The following DSCAM variants were observed in gnomAD, a reference collection of about 807,000 sequenced individuals.
DSCAM encodes DS cell adhesion molecule.
DSCAM carries 47 observed loss-of-function variants against 217.7 expected under a neutral mutation model. The observed-to-expected ratio is 0.22, with a 90% CI of 0.17 to 0.28. DSCAM has a LOEUF of 0.28. DSCAM is among the 10% of genes least tolerant of loss of function. DSCAM has a pLI of 1.00. For missense variants in DSCAM, 2,080 were observed against 2,618.3 expected (o/e 0.79, Z 4.49); for synonymous variants, 1,056 against 1,015.3 (o/e 1.04, Z -0.76).
chr21:40,610,441 G>C (rs1330183716), intron 3 of DSCAM, among the ~76,000 whole-genome samples: 2 of 152,214 alleles, frequency 1.3e-5, no homozygotes, highest in African/African-American at 4.8e-5. Context: ...CATGACCCTG[G>C]GGCTGGCAAG....
chr21:40,709,572 G>A (rs899591732), intron 1 of DSCAM, among the ~76,000 whole-genome samples: 3 of 151,998 alleles, frequency 2.0e-5, no homozygotes, highest in Non-Finnish European at 2.9e-5. Context: ...TCCCACTTAT[G>A]AGTGAGAACA....
At chr21:40,784,135 T>C (rs971421594) in intron 1 of DSCAM, among the ~76,000 whole-genome samples, 2 of 151,972 alleles carry the variant, frequency 1.3e-5, no homozygotes, top group South Asian at 2.1e-4. Flanking sequence ...TACAAAAACA[T>C]GTGATATGGT....
At chr21:40,563,596 T>C (rs373022) in intron 3 of DSCAM, among the ~76,000 whole-genome samples, 49,557 of 111,188 alleles carry the variant, frequency 0.45, 10,235 homozygotes, top group African/African-American at 0.61. Context: ...TATGTTTATA[T>C]GTTATATATA....
intron 1 of DSCAM, among the ~76,000 whole-genome samples, chr21:40,809,017 T>C (rs770860884): frequency 6.6e-6 from 1 of 152,146 alleles, no homozygotes; most frequent in Non-Finnish European, 1.5e-5. Context: ...GTCAATCTGA[T>C]TGTTCTTGAA....
rs1192091753 is a variant in DSCAM at position 40,026,121 on chromosome 21, C to T, written c.5687-12735G>A. Among the ~76,000 whole-genome samples the T allele has an allele frequency of 1.4e-4, 20 of 141,802 alleles. 3 individuals carry two copies. The highest frequency in any genetic ancestry group is 4.0e-4 in the African/African-American group (16 of 39,876). The allele number at this position is 141,802 out of a possible 152,430, so 93.0% of individuals were successfully genotyped here. A position where few individuals can be genotyped will look rare whatever the true frequency, so the allele number is the denominator to read the frequency against. On this transcript the variant is annotated intron_variant, in intron 32 of 32. Transcript: ENST00000400454. ...AACATCTTTATTTCTGGTTTCATTTCGTTATGTACCCAGTAGTCATTCAGG... is the reference window on the plus strand; with the variant it reads ...AACATCTTTATTTCTGGTTTCATTTTGTTATGTACCCAGTAGTCATTCAGG...
intron 3 of DSCAM, among the ~76,000 whole-genome samples, chr21:40,424,333 A>G (rs57109052): frequency 0.069 from 10,558 of 152,242 alleles, 578 homozygotes; most frequent in African/African-American, 0.15. Flanking sequence ...CCAGTTCAAT[A>G]TAAGTGGTGT....
At position 40,157,697 on chromosome 21, in the gene DSCAM, C is replaced by CTT. The variant is rs3069725; in HGVS notation, c.3018+9519_3018+9520dup. ...TTGTCTCTCTTTCCTTTTCTTTTTT[C>CTT]TTTTTTTTTTTTTTCCTGAGACAGT... On this transcript the variant is annotated intron_variant, in intron 16 of 32. Transcript: ENST00000400454. Among the ~76,000 whole-genome samples the CTT allele has an allele frequency of 1.2e-4, 17 of 146,842 alleles. No individual in the cohort carries two copies. In the East Asian group the frequency reaches 1.9e-3, roughly 17 times the overall value.
rs1389679420 is a variant in DSCAM, at chr21:40,093,839, A to T, written c.3732T>A (p.Phe1244Leu). ...ISEFEASPDSFSYRIPNLSRN... is the reference protein window; with the variant it reads ...ISEFEASPDSLSYRIPNLSRN... Reference sequence around the variant, plus strand: ...TACTCAGGTTGGGAATTCTGTAGGAAAACGAGTCGGGAGAGGCCTCAAACT... The same window carrying T: ...TACTCAGGTTGGGAATTCTGTAGGATAACGAGTCGGGAGAGGCCTCAAACT... The change falls in exon 21 of 33, where the codon TTT (phenylalanine) becomes TTA (leucine). Residue 1244 changes from phenylalanine to leucine, a missense_variant. By Grantham distance (22) the Phe-to-Leu change is conservative. Transcript: ENST00000400454. The T allele has an allele frequency of 1.2e-6, 2 of 1,613,904 alleles. No individual in the cohort carries two copies. The highest frequency in any genetic ancestry group is 3.3e-5 in the Admixed American group (2 of 59,998).
chr21:40,503,434 C>T (rs1027030125), intron 3 of DSCAM, among the ~76,000 whole-genome samples: 1 of 152,200 alleles, frequency 6.6e-6, no homozygotes, highest in African/African-American at 2.4e-5. Flanking sequence ...TACCTCTGTC[C>T]CCAGCTTTCC....
At chr21:40,745,150 A>G (rs1469322175) in intron 1 of DSCAM, among the ~76,000 whole-genome samples, 1 of 152,178 alleles carries the variant, frequency 6.6e-6, no homozygotes, top group African/African-American at 2.4e-5. Flanking sequence ...AAGGCCTATG[A>G]GAATTATGAG....
chr21:40,179,184 CAA>C (rs11286508), intron 14 of DSCAM, 90 bp from the exon 15 acceptor site: 2,070 of 102,382 alleles, frequency 0.02, 8 homozygotes, highest in African/African-American at 0.058. Flanking sequence ...AATTAAAAAC[CAA>C]AAAAAAAAAA....
chr21:40,170,145 C>A (rs1013224779), intron 15 of DSCAM, among the ~76,000 whole-genome samples: 1 of 152,152 alleles, frequency 6.6e-6, no homozygotes, highest in Non-Finnish European at 1.5e-5. Context: ...ACACGGGACC[C>A]CTGGGTAGAG....
chr21:40,186,799 AG>A (rs1398851380), intron 14 of DSCAM, among the ~76,000 whole-genome samples: 1 of 152,204 alleles, frequency 6.6e-6, no homozygotes, highest in East Asian at 1.9e-4. Context: ...TGAAGGGAGC[AG>A]GTGAAATAGA....
chr21:40,508,552 A>G (rs999295891), intron 3 of DSCAM, among the ~76,000 whole-genome samples: 2 of 151,502 alleles, frequency 1.3e-5, no homozygotes, highest in South Asian at 2.1e-4. Flanking sequence ...TAAAATTAGT[A>G]TTGCTGTTGT....
At chr21:40,331,416 C>T (rs889419654) in intron 8 of DSCAM, among the ~76,000 whole-genome samples, 6 of 152,122 alleles carry the variant, frequency 3.9e-5, no homozygotes, top group Non-Finnish European at 7.3e-5. Flanking sequence ...GAGTGGAAGG[C>T]GAGCAGACAC....
At chr21:40,731,763 C>G (rs1247128883) in intron 1 of DSCAM, among the ~76,000 whole-genome samples, 2 of 130,774 alleles carry the variant, frequency 1.5e-5, no homozygotes, top group East Asian at 2.7e-4. Context: ...GAGTCTTGCT[C>G]TTTCACCCAG....
intron 5 of DSCAM, among the ~76,000 whole-genome samples, chr21:40,349,387 G>T (rs2074604840): frequency 6.6e-6 from 1 of 151,788 alleles, no homozygotes; most frequent in Non-Finnish European, 1.5e-5. Flanking sequence ...TTAAAATGGG[G>T]CTGAGTGATT....
At chr21:40,015,101 G>A (rs1161550010) in intron 32 of DSCAM, among the ~76,000 whole-genome samples, 1 of 152,144 alleles carries the variant, frequency 6.6e-6, no homozygotes, top group African/African-American at 2.4e-5. Context: ...AGGCTTGGCT[G>A]CTTTCCTCAT....
At chr21:40,640,345 C>T (rs1351059099) in intron 3 of DSCAM, among the ~76,000 whole-genome samples, 1 of 152,132 alleles carries the variant, frequency 6.6e-6, no homozygotes, top group East Asian at 1.9e-4. Flanking sequence ...CCAGCAATGA[C>T]CATGTGCAGC....
Sources: gnomAD v4.1 joint callset for allele counts (sites outside exome capture counted in the v4.1 genomes callset) on GRCh38, gnomAD v4.1.1 for gene constraint, MANE v1.5 for transcripts, NCBI Gene and HGNC (gene_info 2026-07-23, HGNC 2026-07-21) for gene names.